TOP1: variants seen among roughly 807,000 people sequenced by gnomAD.
TOP1 encodes DNA topoisomerase I, also known as DNA topoisomerase 1.
A neutral mutation model predicts 111.1 loss-of-function variants in TOP1; 10 were observed. The ratio of observed to expected loss-of-function variants is 0.09; its 90% CI spans 0.06 to 0.15. The LOEUF (loss-of-function observed/expected upper bound fraction) is 0.15. TOP1 is among the 10% of genes least tolerant of loss of function. The pLI, the probability that TOP1 is intolerant of heterozygous loss-of-function variation, is 1.00. For missense variants in TOP1, 474 were observed against 926.7 expected, an observed-to-expected ratio of 0.51 and a Z score of 6.34; for synonymous variants, 271 against 302.9, an observed-to-expected ratio of 0.89 and a Z score of 1.10.
intron 2 of TOP1, among the ~76,000 whole-genome samples, chr20:41,044,793 T>TGAGA (rs138421052): frequency 2.7e-5 from 4 of 149,602 alleles, no homozygotes; most frequent in Non-Finnish European, 4.5e-5. Context: ...TGTGTGTGAG[T>TGAGA]GAGAGAGAGA....
intron 2 of TOP1, among the ~76,000 whole-genome samples, chr20:41,053,610 C>CT (rs1487962051): frequency 6.6e-6 from 1 of 152,134 alleles, no homozygotes; most frequent in Non-Finnish European, 1.5e-5. Flanking sequence ...TGGAAAATGT[C>CT]TATTACCTTT....
rs749377534 is a variant in TOP1, at chr20:41,029,415, C to A, written c.34-16C>A. ...AAGTGGCTGTTGTTTGATATTCTCT[C>A]CTTTTCTTTTTCCAGATCGAAGCGG... is the stretch of plus-strand genomic sequence containing the variant. On this transcript the variant is annotated splice_polypyrimidine_tract_variant and intron_variant, in intron 1 of 20. Coordinates refer to ENST00000361337, the MANE Select transcript of TOP1 (RefSeq NM_003286.4). The surrounding 1 kb of genome is among the most constrained non-coding windows in gnomAD (Gnocchi z 6.1). The A allele has an allele frequency of 4.1e-6, 6 of 1,481,320 alleles. 1 individual carries two copies. The highest frequency in any genetic ancestry group is 5.4e-6 in the Non-Finnish European group (6 of 1,113,684). 91.8% of individuals were successfully genotyped at this position (1,481,320 alleles called of 1,614,324 possible).
intron 3 of TOP1, chr20:41,073,373 T>TAAA: frequency 1.1e-6 from 1 of 911,792 alleles, no homozygotes; most frequent in South Asian, 5.1e-5. Flanking sequence ...GGGAAGACAA[T>TAAA]GAAAAAAAAA....
At position 41,117,547 on chromosome 20, in the gene TOP1, C is replaced by T. The variant is rs951531570; in HGVS notation, c.1823-622C>T. 5.0e-4 allele frequency among the ~76,000 whole-genome samples: 76 copies of T among 151,494 alleles called. 1 individual carries two copies. The highest frequency in any genetic ancestry group is 6.6e-5 in the Admixed American group (1 of 15,194). Reference sequence around the variant, plus strand: ...GACTACAGGTGCCCGCCATGTCGCCCGGCTAATTTTTTGTATTTTTAGTAG... The same window carrying T: ...GACTACAGGTGCCCGCCATGTCGCCTGGCTAATTTTTTGTATTTTTAGTAG... On this transcript the variant is annotated intron_variant, in intron 17 of 20. Coordinates refer to ENST00000361337, the MANE Select transcript of TOP1 (RefSeq NM_003286.4).
At chr20:41,043,806 A>G (rs79839855) in intron 2 of TOP1, among the ~76,000 whole-genome samples, 10,381 of 152,302 alleles carry the variant, frequency 0.068, 377 homozygotes, top group Middle Eastern at 0.17. Context: ...AATGGAAGCA[A>G]AGGAGGACAA....
At position 41,095,337 on chromosome 20, in the gene TOP1, T is replaced by C. The variant is rs910087849; in HGVS notation, c.731-1883T>C. 6.6e-6 allele frequency among the ~76,000 whole-genome samples: 1 copy of C among 152,208 alleles called. No homozygotes were observed. Among genetic ancestry groups the C allele is most frequent in the African/African-American group, 2.4e-5 (1 of 41,454 alleles). On this transcript the variant is annotated intron_variant, in intron 9 of 20. Coordinates refer to ENST00000361337, the MANE Select transcript of TOP1 (RefSeq NM_003286.4). This position sits in a 1 kb window ranked among gnomAD's most constrained non-coding sequence, Gnocchi z 4.6. ...CTGGGATTACAGATGTGAACCACCA[T>C]GCTCAGCCACATTTTTTTTTAAATG...
rs1042517752 is a variant in TOP1 at position 41,118,876 on chromosome 20, C to G, written c.1950+580C>G. Among the ~76,000 whole-genome samples, 1 of 152,182 alleles carries G rather than the reference C, an allele frequency of 6.6e-6. No individual in the cohort carries two copies. Among genetic ancestry groups the G allele is most frequent in the African/African-American group, 2.4e-5 (1 of 41,444 alleles). On this transcript the variant is annotated intron_variant, in intron 18 of 20. Transcript: ENST00000361337. The surrounding 1 kb of genome is among the most constrained non-coding windows in gnomAD (Gnocchi z 4.6). ...TGTGCAAATAGGTGCTATTCCTTGT[C>G]CCTGAGCCTCTTTCCTCCTCCTAAC...
At chr20:41,054,639 C>G (rs1226341730) in intron 2 of TOP1, among the ~76,000 whole-genome samples, 1 of 152,208 alleles carries the variant, frequency 6.6e-6, no homozygotes, top group African/African-American at 2.4e-5. Flanking sequence ...GTGCCCTTTT[C>G]TCTTGTGTGC....
intron 2 of TOP1, among the ~76,000 whole-genome samples, chr20:41,050,595 T>C (rs1330090467): frequency 2.6e-5 from 4 of 152,220 alleles, no homozygotes; most frequent in African/African-American, 9.6e-5. Flanking sequence ...TGGACCAACG[T>C]TGGTATAGTC....
intron 2 of TOP1, among the ~76,000 whole-genome samples, chr20:41,060,577 G>T (rs1175715788): frequency 6.6e-6 from 1 of 152,144 alleles, no homozygotes; most frequent in African/African-American, 2.4e-5. Context: ...AATCTTTATT[G>T]TAGTGGGGAT....
chr20:41,099,297 G>A (rs2034026131), intron 11 of TOP1, among the ~76,000 whole-genome samples: 1 of 152,142 alleles, frequency 6.6e-6, no homozygotes, highest in Non-Finnish European at 1.5e-5. Context: ...GTGAAATTTA[G>A]TATATTATTT....
At chr20:41,084,663 T>A in intron 8 of TOP1, 95 bp downstream of exon 8, 1 of 707,228 alleles carries the variant, frequency 1.4e-6, no homozygotes, top group Non-Finnish European at 2.2e-6. Context: ...ATCCTGATAT[T>A]TGGGGGGAAA....
intron 4 of TOP1, among the ~76,000 whole-genome samples, chr20:41,076,792 G>A (rs1306241140): frequency 3.3e-5 from 5 of 152,100 alleles, no homozygotes; most frequent in Non-Finnish European, 2.9e-5. Context: ...TTTGTACTTG[G>A]TAAATTCAGA....
chr20:41,072,541 C>T, intron 3 of TOP1: 1 of 985,442 alleles, frequency 1.0e-6, no homozygotes, highest in Non-Finnish European at 1.2e-6. Flanking sequence ...CAGCCCTGGA[C>T]ATGCTTCTGT....
In TOP1 at chr20:41,123,601, C is replaced by A. The variant is rs181188843; in HGVS notation, c.*304C>A. The A allele has an allele frequency of 1.5e-3, 470 of 304,838 alleles. 3 individuals carry two copies. Among genetic ancestry groups the A allele is most frequent in the Non-Finnish European group, 2.4e-3 (391 of 164,180 alleles). The allele number at this position is 304,838 out of a possible 1,614,324, so 18.9% of individuals were successfully genotyped here. ...TTGTCAGCGTTCTACCAGGCAAATT[C>A]ACTGTTTCACTGAAATGTTTGGATT... On this transcript the variant is annotated 3_prime_UTR_variant, in exon 21 of 21. Coordinates refer to ENST00000361337, the MANE Select transcript of TOP1 (RefSeq NM_003286.4). The surrounding 1 kb of genome is among the most constrained non-coding windows in gnomAD (Gnocchi z 5.8).
At chr20:41,070,220 G>A (rs1392485325) in intron 3 of TOP1, among the ~76,000 whole-genome samples, 3 of 152,290 alleles carry the variant, frequency 2.0e-5, no homozygotes, top group South Asian at 2.1e-4. Flanking sequence ...GGCTGTTCAC[G>A]CTATTAATAG....
At chr20:41,051,385 C>G (rs986953751) in intron 2 of TOP1, among the ~76,000 whole-genome samples, 1 of 152,150 alleles carries the variant, frequency 6.6e-6, no homozygotes, top group Non-Finnish European at 1.5e-5. Context: ...GACTCTTCTT[C>G]CTGCCCTGAT....
intron 3 of TOP1, among the ~76,000 whole-genome samples, chr20:41,075,090 GGTTT>G (rs369888145): frequency 2.4e-4 from 37 of 151,948 alleles, no homozygotes; most frequent in African/African-American, 7.2e-4. Flanking sequence ...CCAATTTTGG[GGTTT>G]GTTTGTTCGT....
chr20:41,056,140 T>C (rs754459453), intron 2 of TOP1, among the ~76,000 whole-genome samples: 2 of 152,218 alleles, frequency 1.3e-5, no homozygotes, highest in Non-Finnish European at 2.9e-5. Context: ...AGGCATCGCT[T>C]ACATGGAAGT....
Sources: gnomAD v4.1 joint callset for allele counts (sites outside exome capture counted in the v4.1 genomes callset) on GRCh38, gnomAD v4.1.1 for gene constraint, Gnocchi (gnomAD v3.1) non-coding constraint, MANE v1.5 for transcripts, NCBI Gene and HGNC (gene_info 2026-07-23, HGNC 2026-07-21) for gene names.